The following ADAM2 variants were observed in gnomAD, a reference collection of about 807,000 sequenced individuals.
The protein encoded by ADAM2 is disintegrin and metalloproteinase domain-containing protein 2.
Under a neutral mutation model 99.3 loss-of-function variants are expected in ADAM2, and 101 were observed. The observed-to-expected ratio is 1.02, with a 90% CI of 0.87 to 1.20. ADAM2 has a LOEUF of 1.20. Among genes scored for constraint, ADAM2 ranks in the 50% most tolerant of loss-of-function variants. The probability of loss-of-function intolerance (pLI) is 0.00; values close to 1 mark genes in which losing one functional copy is unlikely to be tolerated. For missense variants in ADAM2, 948 were observed against 878.7 expected (o/e 1.08, Z -1.00); for synonymous variants, 323 against 287.6 (o/e 1.12, Z -1.25).
chr8:39,767,100 A>G, intron 13 of ADAM2, 53 bp downstream of exon 13: 2 of 1,598,984 alleles, frequency 1.3e-6, no homozygotes, highest in South Asian at 1.1e-5. Flanking sequence ...CATAAGCATA[A>G]TAATGATAAC....
At chr8:39,770,857 A>G (rs890748801) in intron 11 of ADAM2, among the ~76,000 whole-genome samples, 5 of 152,240 alleles carry the variant, frequency 3.3e-5, no homozygotes, top group East Asian at 3.9e-4. Flanking sequence ...TATATATTCA[A>G]TATGTGTTCT....
intron 5 of ADAM2, 116 bp from the exon 6 acceptor site, chr8:39,821,286 G>A (rs7829553): frequency 0.016 from 12,436 of 767,880 alleles, 282 homozygotes; most frequent in African/African-American, 0.084. Context: ...CTGAATCTAA[G>A]GTGATAAAAT....
intron 7 of ADAM2, among the ~76,000 whole-genome samples, chr8:39,789,998 A>C (rs1178526082): frequency 6.6e-6 from 1 of 151,948 alleles, no homozygotes; most frequent in Non-Finnish European, 1.5e-5. Flanking sequence ...AAACAAATTC[A>C]CATCCATTAG....
chr8:39,821,394 T>A (rs1805182230), intron 5 of ADAM2, among the ~76,000 whole-genome samples, 192 bp downstream of exon 5: 1 of 152,164 alleles, frequency 6.6e-6, no homozygotes, highest in Non-Finnish European at 1.5e-5. Flanking sequence ...GGCTTCCAAA[T>A]ATATTTAAAA....
At chr8:39,802,957 T>A (rs1804279262) in intron 7 of ADAM2, among the ~76,000 whole-genome samples, 1 of 152,176 alleles carries the variant, frequency 6.6e-6, no homozygotes, top group Non-Finnish European at 1.5e-5. Flanking sequence ...TGGGTACAAT[T>A]TTGCTAGTAG....
At chr8:39,773,631 GA>G (rs1802872073) in intron 11 of ADAM2, among the ~76,000 whole-genome samples, 1 of 151,626 alleles carries the variant, frequency 6.6e-6, no homozygotes, top group Non-Finnish European at 1.5e-5. Flanking sequence ...AAGATTTTAT[GA>G]AAAATTAATC....
At chr8:39,745,554 C>T (rs1823408015) in intron 19 of ADAM2, among the ~76,000 whole-genome samples, 1 of 151,954 alleles carries the variant, frequency 6.6e-6, no homozygotes, top group African/African-American at 2.4e-5. Flanking sequence ...TTTTATAGCA[C>T]ATATTCAGAT....
intron 3 of ADAM2, among the ~76,000 whole-genome samples, chr8:39,827,252 T>A (rs545836656): frequency 6.6e-6 from 1 of 152,190 alleles, no homozygotes; most frequent in East Asian, 1.9e-4. Context: ...GGCAAGGACA[T>A]GGAGAAAGGG....
rs550571252 is a variant in ADAM2, at chr8:39,820,937, A to G, written c.513+65T>C. 12 of 1,059,552 alleles carry G rather than the reference A, an allele frequency of 1.1e-5. No homozygotes were observed. In the African/African-American group the frequency reaches 1.9e-4, roughly 17 times the overall value. The allele number at this position is 1,059,552 out of a possible 1,614,324, so 65.6% of individuals were successfully genotyped here. On this transcript the variant is annotated intron_variant, in intron 6 of 20. Transcript: ENST00000265708. ...TGTGTAAATATGTAATTTATCAACT[A>G]TAAATTTCAGTGCTTACATTGCTGT...
chr8:39,806,988 T>C (rs1435658783), intron 7 of ADAM2, among the ~76,000 whole-genome samples: 7 of 151,868 alleles, frequency 4.6e-5, no homozygotes, highest in Admixed American at 3.3e-4. Flanking sequence ...GAGGAAAAGA[T>C]ACCCTGAAGG....
intron 20 of ADAM2, among the ~76,000 whole-genome samples, chr8:39,744,305 C>CA (rs1823356009): frequency 6.6e-6 from 1 of 151,964 alleles, no homozygotes; most frequent in South Asian, 2.1e-4. Flanking sequence ...TTGATCATGT[C>CA]TATTATAAAT....
chr8:39,795,621 GA>G (rs1444456755), intron 7 of ADAM2, among the ~76,000 whole-genome samples: 13 of 152,044 alleles, frequency 8.6e-5, no homozygotes, highest in Non-Finnish European at 1.6e-4. Flanking sequence ...TATATCATTT[GA>G]TGTATTATGT....
rs765459654 is a variant in ADAM2 at position 39,787,068 on chromosome 8, A to G, written c.810-13T>C. On this transcript the variant is annotated splice_polypyrimidine_tract_variant and intron_variant, in intron 9 of 20. Coordinates refer to ENST00000265708, the MANE Select transcript of ADAM2 (RefSeq NM_001464.5). ...CTTTTCTCTGTAACTTAAGTTTAAA[A>G]AGGGATCATAATCATATAATTTTGT... 3.9e-6 allele frequency: 6 copies of G among 1,521,134 alleles called. No homozygotes were observed. Among genetic ancestry groups the G allele is most frequent in the African/African-American group, 1.4e-5 (1 of 72,606 alleles). 94.2% of individuals were successfully genotyped at this position (1,521,134 alleles called of 1,614,324 possible).
chr8:39,788,069 G>C lies in ADAM2; in HGVS notation c.809+16C>G, dbSNP rs1224005772. 1.4e-6 allele frequency: 2 copies of C among 1,439,328 alleles called. No homozygotes were observed. Among genetic ancestry groups the C allele is most frequent in the African/African-American group, 2.9e-5 (2 of 68,022 alleles). 89.2% of individuals were successfully genotyped at this position (1,439,328 alleles called of 1,614,324 possible). A position where few individuals can be genotyped will look rare whatever the true frequency, so the allele number is the denominator to read the frequency against. ...TTTCTTCAGATAAACTTTATATAAT[G>C]TCAAGATATCCTTACACAAGTAAAA... is the stretch of plus-strand genomic sequence containing the variant. On this transcript the variant is annotated intron_variant, in intron 9 of 20. Transcript: ENST00000265708.
intron 16 of ADAM2, among the ~76,000 whole-genome samples, chr8:39,750,585 C>T (rs1801888217): frequency 6.6e-6 from 1 of 151,946 alleles, no homozygotes; most frequent in Non-Finnish European, 1.5e-5. Flanking sequence ...TGCTGTGGTC[C>T]ACAAAAATGA....
At chr8:39,827,485 T>C (rs1317837245) in intron 3 of ADAM2, among the ~76,000 whole-genome samples, 1 of 152,154 alleles carries the variant, frequency 6.6e-6, no homozygotes, top group Non-Finnish European at 1.5e-5. Context: ...AAGCTTAAGT[T>C]TCCATCAATG....
intron 7 of ADAM2, among the ~76,000 whole-genome samples, chr8:39,800,522 G>C (rs1804160678): frequency 1.3e-5 from 2 of 152,034 alleles, no homozygotes; most frequent in Non-Finnish European, 1.5e-5. Flanking sequence ...ATTTTCTCAT[G>C]GTGTACTTTA....
At chr8:39,826,755 T>G (rs1020752222) in intron 3 of ADAM2, among the ~76,000 whole-genome samples, 9 of 150,602 alleles carry the variant, frequency 6.0e-5, no homozygotes, top group African/African-American at 2.2e-4. Flanking sequence ...CAAAATGGAT[T>G]AAAACTTAAC....
chr8:39,780,124 A>C (rs1024569967), intron 10 of ADAM2, among the ~76,000 whole-genome samples: 1 of 152,176 alleles, frequency 6.6e-6, no homozygotes, highest in East Asian at 1.9e-4. Flanking sequence ...AAGGAAGAGC[A>C]AAGGCACATC....
Sources: gnomAD v4.1 joint callset for allele counts (sites outside exome capture counted in the v4.1 genomes callset) on GRCh38, gnomAD v4.1.1 for gene constraint, MANE v1.5 for transcripts, NCBI Gene and HGNC (gene_info 2026-07-23, HGNC 2026-07-21) for gene names.